The following SOX12 variants were observed in gnomAD, a reference collection of about 807,000 sequenced individuals.
SOX12 encodes transcription factor SOX-12.
A neutral mutation model predicts 21.5 loss-of-function variants in SOX12; 8 were observed. That is an observed-to-expected ratio of 0.37 (90% confidence interval 0.22 to 0.67). The LOEUF (loss-of-function observed/expected upper bound fraction) is 0.67. Among genes scored for constraint, SOX12 ranks in the 30% least tolerant of loss-of-function variants. SOX12 has a pLI of 0.56. For missense variants in SOX12, 400 were observed against 482.6 expected (o/e 0.83, Z 1.60); for synonymous variants, 235 against 224.2 (o/e 1.05, Z -0.43).
Position 327,046 on chromosome 20 carries a change from C to A in SOX12, c.*174C>A. 1.6e-6 allele frequency: 1 copy of A among 643,856 alleles called. No individual in the cohort carries two copies. The highest frequency in any genetic ancestry group is 4.2e-4 in the Middle Eastern group (1 of 2,402). 39.9% of individuals were successfully genotyped at this position (643,856 alleles called of 1,614,324 possible). A position where few individuals can be genotyped will look rare whatever the true frequency, so the allele number is the denominator to read the frequency against. ...ACATGCCCCTCCCCCGCAGACACAC[C>A]CCAAGGCAGCCCAACCCCCACCCCT... On this transcript the variant is annotated 3_prime_UTR_variant, in exon 1 of 1. Coordinates refer to ENST00000342665, the MANE Select transcript of SOX12 (RefSeq NM_006943.4).
chr20:329,238 G>A lies in SOX12; in HGVS notation c.*2366G>A, dbSNP rs960113166. 6.0e-6 allele frequency: 1 copy of A among 167,160 alleles called. No homozygotes were observed. The highest frequency in any genetic ancestry group is 1.5e-5 in the Non-Finnish European group (1 of 68,160). The allele number at this position is 167,160 out of a possible 1,614,324, so 10.4% of individuals were successfully genotyped here. A position where few individuals can be genotyped will look rare whatever the true frequency, so the allele number is the denominator to read the frequency against. On this transcript the variant is annotated 3_prime_UTR_variant, in exon 1 of 1. Transcript: ENST00000342665. Reference sequence around the variant, plus strand: ...CCACACTGTCTGGACTCAAAGCCCAGCTCCACCACTGAGCACCCGTGTGAC... The same window carrying A: ...CCACACTGTCTGGACTCAAAGCCCAACTCCACCACTGAGCACCCGTGTGAC...
In SOX12 at chr20:326,745, C is replaced by T; in HGVS notation, c.821C>T (p.Pro274Leu). Residue 274 changes from proline (P) to leucine (L), a missense_variant, in exon 1 of 1, where the codon CCG becomes CTG. Around this residue, in one of 4 missense-constraint regions of SOX12, gnomAD observed 235 missense variants for 219.3 expected, o/e 1.07. Coordinates refer to ENST00000342665, the MANE Select transcript of SOX12 (RefSeq NM_006943.4). The surrounding 1 kb of genome is among the most constrained non-coding windows in gnomAD (Gnocchi z 9.9). Reference sequence around the variant, plus strand: ...GACTGCAGCGCCCTGGATCGCGACCCGGACCTGCAGCCTCCCTCGGGCACG... The same window carrying T: ...GACTGCAGCGCCCTGGATCGCGACCTGGACCTGCAGCCTCCCTCGGGCACG... ...GLDCSALDRDPDLQPPSGTSH... is the reference protein window; with the variant it reads ...GLDCSALDRDLDLQPPSGTSH... 1.9e-6 allele frequency: 3 copies of T among 1,612,048 alleles called. No homozygotes were observed. Among genetic ancestry groups the T allele is most frequent in the Admixed American group, 1.7e-5 (1 of 59,766 alleles).
rs184118017 is a variant in SOX12 at position 326,626 on chromosome 20, G to C, written c.702G>C (p.Ala234=). The part of the protein sequence containing the change: ...DEEPEEEEEE[A]AAAEEGEEET... ...AGCCGGAGGAAGAGGAGGAGGAGGC[G>C]GCAGCGGCTGAGGAAGGTGAAGAGG... Residue 234 remains alanine (A), a synonymous_variant, in exon 1 of 1, where the codon GCG becomes GCC. Transcript: ENST00000342665. This position sits in a 1 kb window ranked among gnomAD's most constrained non-coding sequence, Gnocchi z 9.9. 3.2e-6 allele frequency: 5 copies of C among 1,545,118 alleles called. No homozygotes were observed. In the Admixed American group the frequency reaches 5.9e-5, roughly 18 times the overall value.
chr20:325,993 CGAG>C lies in SOX12; in HGVS notation c.74_76del (p.Glu25del). The C allele has an allele frequency of 6.7e-7, 1 of 1,484,878 alleles. No individual in the cohort carries two copies. The allele number at this position is 1,484,878 out of a possible 1,614,324, so 92.0% of individuals were successfully genotyped here. A position where few individuals can be genotyped will look rare whatever the true frequency, so the allele number is the denominator to read the frequency against. On this transcript the variant is annotated inframe_deletion, in exon 1 of 1. Coordinates refer to ENST00000342665, the MANE Select transcript of SOX12 (RefSeq NM_006943.4). This position sits in a 1 kb window ranked among gnomAD's most constrained non-coding sequence, Gnocchi z 5.0. ...CGCCGCCCCCGGGACCCGGGCCGGC[CGAG>C]GAGGGGGCGCGCGAGCCCGGCTGGT...
Position 325,838 on chromosome 20 carries a change from C to T in SOX12, c.-87C>T. The T allele has an allele frequency of 1.5e-5, 11 of 732,460 alleles. No homozygotes were observed. The highest frequency in any genetic ancestry group is 1.9e-5 in the Non-Finnish European group (11 of 593,108). 45.4% of individuals were successfully genotyped at this position (732,460 alleles called of 1,614,324 possible). A position where few individuals can be genotyped will look rare whatever the true frequency, so the allele number is the denominator to read the frequency against. On this transcript the variant is annotated 5_prime_UTR_variant, in exon 1 of 1. Transcript: ENST00000342665. The surrounding 1 kb of genome is among the most constrained non-coding windows in gnomAD (Gnocchi z 5.0). ...CGAGCCGCGGGGCGGGGCCGCCCCT[C>T]CGTCGCCGCTGCCTCCTCCCCCACC...
chr20:326,963 C>T lies in SOX12; in HGVS notation c.*91C>T. The T allele has an allele frequency of 8.1e-7, 1 of 1,227,812 alleles. No homozygotes were observed. The highest frequency in any genetic ancestry group is 1.2e-5 in the South Asian group (1 of 83,006). 76.1% of individuals were successfully genotyped at this position (1,227,812 alleles called of 1,614,324 possible). A position where few individuals can be genotyped will look rare whatever the true frequency, so the allele number is the denominator to read the frequency against. ...GGCCCCTCGGAGGCCGAGGCTGGCA[C>T]CCCATCTCCCGCGCAGCCTGCCCCC... On this transcript the variant is annotated 3_prime_UTR_variant, in exon 1 of 1. Coordinates refer to ENST00000342665, the MANE Select transcript of SOX12 (RefSeq NM_006943.4). This position sits in a 1 kb window ranked among gnomAD's most constrained non-coding sequence, Gnocchi z 9.9.
chr20:326,786 C>A lies in SOX12; in HGVS notation c.862C>A (p.Pro288Thr), dbSNP rs1451494563. The A allele has an allele frequency of 6.2e-7, 1 of 1,613,652 alleles. No individual in the cohort carries two copies. Among genetic ancestry groups the A allele is most frequent in the Admixed American group, 1.7e-5 (1 of 60,028 alleles). The change falls in exon 1 of 1, where the codon CCG (proline) becomes ACG (threonine). Residue 288 changes from proline to threonine, a missense_variant. Around this residue, in one of 4 missense-constraint regions of SOX12, gnomAD observed 17 missense variants for 49.7 expected, o/e 0.34. Transcript: ENST00000342665. The surrounding 1 kb of genome is among the most constrained non-coding windows in gnomAD (Gnocchi z 9.9). ...CTCGGGCACGTCGCACTTCGAGTTCCCGGACTACTGCACCCCCGAGGTTAC... is the reference window on the plus strand; with the variant it reads ...CTCGGGCACGTCGCACTTCGAGTTCACGGACTACTGCACCCCCGAGGTTAC... Reference protein sequence around the residue: ...PPSGTSHFEFPDYCTPEVTEM... With the variant: ...PPSGTSHFEFTDYCTPEVTEM...
chr20:325,860 C>T lies in SOX12; in HGVS notation c.-65C>T, dbSNP rs1262361222. 4.2e-6 allele frequency: 4 copies of T among 954,920 alleles called. No homozygotes were observed. The highest frequency in any genetic ancestry group is 4.9e-5 in the South Asian group (1 of 20,518). 59.2% of individuals were successfully genotyped at this position (954,920 alleles called of 1,614,324 possible). On this transcript the variant is annotated 5_prime_UTR_variant, in exon 1 of 1. Coordinates refer to ENST00000342665, the MANE Select transcript of SOX12 (RefSeq NM_006943.4). This position sits in a 1 kb window ranked among gnomAD's most constrained non-coding sequence, Gnocchi z 5.0. The stretch of plus-strand genomic sequence containing the variant: ...CCTCCGTCGCCGCTGCCTCCTCCCC[C>T]ACCCCCAGCCGCGGAGGATGCGGAC...
chr20:329,823 G>C lies in SOX12; in HGVS notation c.*2951G>C, dbSNP rs2013163706. The C allele has an allele frequency of 6.0e-6, 1 of 167,130 alleles. No individual in the cohort carries two copies. Among genetic ancestry groups the C allele is most frequent in the Non-Finnish European group, 1.5e-5 (1 of 68,156 alleles). 10.4% of individuals were successfully genotyped at this position (167,130 alleles called of 1,614,324 possible). A position where few individuals can be genotyped will look rare whatever the true frequency, so the allele number is the denominator to read the frequency against. On this transcript the variant is annotated 3_prime_UTR_variant, in exon 1 of 1. Coordinates refer to ENST00000342665, the MANE Select transcript of SOX12 (RefSeq NM_006943.4). Reference sequence around the variant, plus strand: ...AAATTACAGTGACTGCTTCTTCTCAGCTTCTCTGGTTGAAAGCAAGCTGGC... The same window carrying C: ...AAATTACAGTGACTGCTTCTTCTCACCTTCTCTGGTTGAAAGCAAGCTGGC...
At position 326,248 on chromosome 20, in the gene SOX12, G is replaced by A. The variant is rs760233296; in HGVS notation, c.324G>A (p.Lys108=). Reference sequence around the variant, plus strand: ...ACATGGCGGATTACCCGGACTACAAGTACCGGCCGCGCAAAAAGAGCAAGG... The same window carrying A: ...ACATGGCGGATTACCCGGACTACAAATACCGGCCGCGCAAAAAGAGCAAGG... The part of the protein sequence containing the change: ...LKHMADYPDY[K]YRPRKKSKGA... Residue 108 remains lysine (K), a synonymous_variant, in exon 1 of 1, where the codon AAG becomes AAA. Transcript: ENST00000342665. The surrounding 1 kb of genome is among the most constrained non-coding windows in gnomAD (Gnocchi z 9.9). 6.4e-7 allele frequency: 1 copy of A among 1,555,436 alleles called. No individual in the cohort carries two copies. Among genetic ancestry groups the A allele is most frequent in the South Asian group, 1.2e-5 (1 of 84,262 alleles).
At position 327,991 on chromosome 20, in the gene SOX12, GGT is replaced by G. The variant is rs1467186870; in HGVS notation, c.*1121_*1122del. On this transcript the variant is annotated 3_prime_UTR_variant, in exon 1 of 1. Coordinates refer to ENST00000342665, the MANE Select transcript of SOX12 (RefSeq NM_006943.4). ...ACAGCGGGAAAAACTGAGGCACTTT[GGT>G]GCTAGGGGTTTGGGACTGAGGCGTG... 1.2e-5 allele frequency: 2 copies of G among 167,152 alleles called. No homozygotes were observed. The highest frequency in any genetic ancestry group is 4.8e-5 in the African/African-American group (2 of 41,450). The allele number at this position is 167,152 out of a possible 1,614,324, so 10.4% of individuals were successfully genotyped here. A position where few individuals can be genotyped will look rare whatever the true frequency, so the allele number is the denominator to read the frequency against.
In SOX12 at chr20:327,517, G is replaced by C. The variant is rs1462353117; in HGVS notation, c.*645G>C. 2.4e-4 allele frequency: 40 copies of C among 167,074 alleles called. No homozygotes were observed. The Admixed American group carries it at 2.6e-3, about 11-fold the overall frequency. The allele number at this position is 167,074 out of a possible 1,614,324, so 10.3% of individuals were successfully genotyped here. A position where few individuals can be genotyped will look rare whatever the true frequency, so the allele number is the denominator to read the frequency against. ...GTAGAGCGATCCTGGGAAATCCTTT[G>C]ATCCGGGAGCCCTAGGTTTCCTCTC... On this transcript the variant is annotated 3_prime_UTR_variant, in exon 1 of 1. Transcript: ENST00000342665.
At position 326,938 on chromosome 20, in the gene SOX12, G is replaced by C. The variant is rs1165333799; in HGVS notation, c.*66G>C. The C allele has an allele frequency of 1.3e-6, 2 of 1,549,382 alleles. No individual in the cohort carries two copies. Among genetic ancestry groups the C allele is most frequent in the Non-Finnish European group, 1.8e-6 (2 of 1,123,138 alleles). ...TTTACATACAGGAATCAGGTATTGG[G>C]GCCCCTCGGAGGCCGAGGCTGGCAC... On this transcript the variant is annotated 3_prime_UTR_variant, in exon 1 of 1. Transcript: ENST00000342665. This position sits in a 1 kb window ranked among gnomAD's most constrained non-coding sequence, Gnocchi z 9.9.
In SOX12 at chr20:326,009, G is replaced by C; in HGVS notation, c.85G>C (p.Glu29Gln). The C allele has an allele frequency of 2.0e-6, 3 of 1,521,262 alleles. No homozygotes were observed. The highest frequency in any genetic ancestry group is 2.6e-6 in the Non-Finnish European group (3 of 1,135,004). 94.2% of individuals were successfully genotyped at this position (1,521,262 alleles called of 1,614,324 possible). ...CGGGCCGGCCGAGGAGGGGGCGCGC[G>C]AGCCCGGCTGGTGCAAGACCCCGAG... ...GPGPAEEGAREPGWCKTPSGH... is the reference protein window; with the variant it reads ...GPGPAEEGARQPGWCKTPSGH... The change falls in exon 1 of 1, where the codon GAG becomes CAG. Residue 29 changes from glutamate (E) to glutamine (Q), a missense_variant. Around this residue, in one of 4 missense-constraint regions of SOX12, gnomAD observed 56 missense variants for 51.5 expected, o/e 1.09. Transcript: ENST00000342665. The surrounding 1 kb of genome is among the most constrained non-coding windows in gnomAD (Gnocchi z 9.9).
chr20:327,045 C>T lies in SOX12; in HGVS notation c.*173C>T. The stretch of plus-strand genomic sequence containing the variant: ...GACATGCCCCTCCCCCGCAGACACA[C>T]CCCAAGGCAGCCCAACCCCCACCCC... On this transcript the variant is annotated 3_prime_UTR_variant, in exon 1 of 1. Coordinates refer to ENST00000342665, the MANE Select transcript of SOX12 (RefSeq NM_006943.4). 1 of 650,788 alleles carries T rather than the reference C, an allele frequency of 1.5e-6. No individual in the cohort carries two copies. Among genetic ancestry groups the T allele is most frequent in the Non-Finnish European group, 2.7e-6 (1 of 364,088 alleles). The allele number at this position is 650,788 out of a possible 1,614,324, so 40.3% of individuals were successfully genotyped here.
Position 330,210 on chromosome 20 carries a change from A to T in SOX12, c.*3338A>T, listed in dbSNP as rs2013168364. 1 of 166,774 alleles carries T rather than the reference A, an allele frequency of 6.0e-6. No individual in the cohort carries two copies. The highest frequency in any genetic ancestry group is 1.5e-5 in the Non-Finnish European group (1 of 68,188). The allele number at this position is 166,774 out of a possible 1,614,324, so 10.3% of individuals were successfully genotyped here. A position where few individuals can be genotyped will look rare whatever the true frequency, so the allele number is the denominator to read the frequency against. On this transcript the variant is annotated 3_prime_UTR_variant, in exon 1 of 1. Transcript: ENST00000342665. ...TCACAGGTGCTTATTCCTAATAAAC[A>T]TCTTGCAACCCAAACTCAGTCTCAT...
In SOX12 at chr20:327,880, CAG is replaced by C. The variant is rs2013129943; in HGVS notation, c.*1009_*1010del. The C allele has an allele frequency of 1.2e-5, 2 of 167,336 alleles. No individual in the cohort carries two copies. The highest frequency in any genetic ancestry group is 1.3e-4 in the Admixed American group (2 of 15,298). 10.4% of individuals were successfully genotyped at this position (167,336 alleles called of 1,614,324 possible). ...CCTCCTGGGAAGTGCCCCCTCACCTCAGGGCACCCGCAACCTGGGCTCCTCCC... is the reference window on the plus strand; with the variant it reads ...CCTCCTGGGAAGTGCCCCCTCACCTCGGCACCCGCAACCTGGGCTCCTCCC... On this transcript the variant is annotated 3_prime_UTR_variant, in exon 1 of 1. Transcript: ENST00000342665.
Position 328,335 on chromosome 20 carries a change from C to G in SOX12, c.*1463C>G, listed in dbSNP as rs1050596860. The G allele has an allele frequency of 1.2e-5, 2 of 165,840 alleles. No individual in the cohort carries two copies. The highest frequency in any genetic ancestry group is 2.9e-5 in the Non-Finnish European group (2 of 67,864). The allele number at this position is 165,840 out of a possible 1,614,324, so 10.3% of individuals were successfully genotyped here. ...TATCTCACCGGCGTGTGTTCACCCT[C>G]CCGGGTGGCTCACACACTCTCATTC... On this transcript the variant is annotated 3_prime_UTR_variant, in exon 1 of 1. Transcript: ENST00000342665.
Position 326,748 on chromosome 20 carries a change from A to G in SOX12, c.824A>G (p.Asp275Gly). Residue 275 changes from aspartate to glycine, a missense_variant, in exon 1 of 1, where the codon GAC (aspartate) becomes GGC (glycine). Asp to Gly is a moderately conservative substitution (Grantham distance 94). This residue lies in a region of SOX12 where 235 missense variants were observed against 219.3 expected (regional missense o/e 1.07). Coordinates refer to ENST00000342665, the MANE Select transcript of SOX12 (RefSeq NM_006943.4). The surrounding 1 kb of genome is among the most constrained non-coding windows in gnomAD (Gnocchi z 9.9). The stretch of plus-strand genomic sequence containing the variant: ...TGCAGCGCCCTGGATCGCGACCCGG[A>G]CCTGCAGCCTCCCTCGGGCACGTCG... ...LDCSALDRDP[D>G]LQPPSGTSHF... 6.2e-7 allele frequency: 1 copy of G among 1,612,184 alleles called. No homozygotes were observed. The highest frequency in any genetic ancestry group is 2.2e-5 in the East Asian group (1 of 44,778).
Sources: allele counts gnomAD v4.1 joint callset, GRCh38; gene constraint gnomAD v4.1.1; regional missense constraint gnomAD v4.1.1; non-coding constraint Gnocchi (gnomAD v3.1); transcripts MANE v1.5; gene names NCBI Gene and HGNC (gene_info 2026-07-23, HGNC 2026-07-21).